Variants in PFKFB3 observed in about 807,000 individuals in gnomAD.
PFKFB3 encodes 6-phosphofructo-2-kinase/fructose-2,6-bisphosphatase 3.
A neutral mutation model predicts 68.0 loss-of-function variants in PFKFB3; 33 were observed. The observed-to-expected ratio is 0.49, with a 90% CI of 0.37 to 0.65. The LOEUF (loss-of-function observed/expected upper bound fraction) is 0.65, where lower values mean the gene tolerates loss of function less well. Among genes scored for constraint, PFKFB3 ranks in the 30% least tolerant of loss-of-function variants. The pLI, the probability that PFKFB3 is intolerant of heterozygous loss-of-function variation, is 0.00. For synonymous variants in PFKFB3, 315 were observed against 288.2 expected (o/e 1.09, Z -0.94); for missense variants, 586 against 712.2 (o/e 0.82, Z 2.02).
chr10:6,183,960 G>T (rs953460861), intron 1 of PFKFB3, among the ~76,000 whole-genome samples: 4 of 151,774 alleles, frequency 2.6e-5, no homozygotes, highest in Non-Finnish European at 4.4e-5. Flanking sequence ...AAAGTGCTGG[G>T]ATTACAGGTG....
rs1322620239 is a variant in PFKFB3 at position 6,216,048 on chromosome 10, GGC to G, written c.300-75_300-74del. The G allele has an allele frequency of 8.1e-6, 10 of 1,235,662 alleles. No individual in the cohort carries two copies. In the African/African-American group the frequency reaches 1.0e-4, roughly 13 times the overall value. 76.5% of individuals were successfully genotyped at this position (1,235,662 alleles called of 1,614,324 possible). A position where few individuals can be genotyped will look rare whatever the true frequency, so the allele number is the denominator to read the frequency against. On this transcript the variant is annotated intron_variant, in intron 3 of 14. Transcript: ENST00000379775. ...AACCACCAGTTACTCTGCTTGTCGG[GGC>G]GTGTCGGGAGTTGCTTGGGCTGCCC...
chr10:6,149,783 A>G (rs539397300), intron 1 of PFKFB3: 13 of 154,502 alleles, frequency 8.4e-5, no homozygotes, highest in African/African-American at 2.4e-4. Flanking sequence ...GACCATCCCC[A>G]ATAGAGGAGG....
At chr10:6,182,237 C>T (rs1411091447) in intron 1 of PFKFB3, among the ~76,000 whole-genome samples, 1 of 152,052 alleles carries the variant, frequency 6.6e-6, no homozygotes, top group Non-Finnish European at 1.5e-5. Context: ...CTTCTCACCA[C>T]CCCCTTCTCT....
At position 6,177,386 on chromosome 10, in the gene PFKFB3, T is replaced by TTCTTTCTTTCTTTCTTTCTTTCTTTC. The variant is rs1564599502; in HGVS notation, c.16+32397_16+32398insTCTCTTTCTTTCTTTCTTTCTTTCTT. 2.5e-4 allele frequency among the ~76,000 whole-genome samples: 28 copies of TTCTTTCTTTCTTTCTTTCTTTCTTTC among 113,302 alleles called. 1 individual carries two copies. The South Asian group carries it at 4.9e-3, about 20-fold the overall frequency. The allele number at this position is 113,302 out of a possible 152,430, so 74.3% of individuals were successfully genotyped here. A position where few individuals can be genotyped will look rare whatever the true frequency, so the allele number is the denominator to read the frequency against. On this transcript the variant is annotated intron_variant, in intron 1 of 14. Coordinates refer to the PFKFB3 transcript ENST00000379789. Reference sequence around the variant, plus strand: ...TTTCTTTCTTTCTTTCTTTCTTTCTTTCTTTCTTTCTTTCTTTCTTTCTTC... The same window carrying TTCTTTCTTTCTTTCTTTCTTTCTTTC: ...TTTCTTTCTTTCTTTCTTTCTTTCTTTCTTTCTTTCTTTCTTTCTTTCTTTCTCTTTCTTTCTTTCTTTCTTTCTTC...
At chr10:6,166,347 G>C (rs1441973051) in intron 1 of PFKFB3, among the ~76,000 whole-genome samples, 2 of 151,488 alleles carry the variant, frequency 1.3e-5, no homozygotes, top group Non-Finnish European at 2.9e-5. Context: ...CCCGCCTTAG[G>C]CTCCCAAAGT....
intron 1 of PFKFB3, among the ~76,000 whole-genome samples, chr10:6,184,859 C>T (rs1842828247): frequency 1.3e-5 from 2 of 150,544 alleles, no homozygotes; most frequent in South Asian, 2.1e-4. Flanking sequence ...CCTCCCATCT[C>T]GGCCTCCCAA....
Position 6,226,319 on chromosome 10 carries a change from T to TG in PFKFB3, c.1470dup (p.Pro491AlafsTer25). 1 of 1,614,022 alleles carries TG rather than the reference T, an allele frequency of 6.2e-7. No homozygotes were observed. The highest frequency in any genetic ancestry group is 8.5e-7 in the Non-Finnish European group (1 of 1,179,974). On this transcript the variant is annotated frameshift_variant, in exon 14 of 15. Transcript: ENST00000379775. LOFTEE classifies it high-confidence loss of function. ...CATGTGGCCTCCACCTCGGCCGCCC[T>TG]GCCCAGCTGCCTGCCCCCGGAGGTG...
chr10:6,161,625 C>T (rs997828415), intron 1 of PFKFB3, among the ~76,000 whole-genome samples: 44 of 82,248 alleles, frequency 5.3e-4, no homozygotes, highest in African/African-American at 1.2e-3. Flanking sequence ...CACACACACA[C>T]ATATATATAT....
rs1841719117 is a variant in PFKFB3 at position 6,154,921 on chromosome 10, A to G, written c.16+9908A>G. 6.6e-6 allele frequency among the ~76,000 whole-genome samples: 1 copy of G among 152,168 alleles called. No individual in the cohort carries two copies. The highest frequency in any genetic ancestry group is 2.1e-4 in the South Asian group (1 of 4,832). On this transcript the variant is annotated intron_variant, in intron 1 of 14. Coordinates refer to the PFKFB3 transcript ENST00000379789. The surrounding 1 kb of genome is among the most constrained non-coding windows in gnomAD (Gnocchi z 4.6). ...ACCTCCTCTAGGCCCTGTCCTTGGT[A>G]GAGGCTGTGAGTGGCCCGTAGGAGG...
chr10:6,233,741 C>T lies in PFKFB3; in HGVS notation c.*799C>T, dbSNP rs1164571682. The T allele has an allele frequency of 1.3e-5, 2 of 152,924 alleles. No individual in the cohort carries two copies. The highest frequency in any genetic ancestry group is 1.5e-5 in the Non-Finnish European group (1 of 68,112). 9.5% of individuals were successfully genotyped at this position (152,924 alleles called of 1,614,324 possible). A position where few individuals can be genotyped will look rare whatever the true frequency, so the allele number is the denominator to read the frequency against. On this transcript the variant is annotated 3_prime_UTR_variant, in exon 15 of 15. Coordinates refer to ENST00000379775, the MANE Select transcript of PFKFB3 (RefSeq NM_004566.4). The stretch of plus-strand genomic sequence containing the variant: ...ACTGAGAAACACTTTCCTGGAGCTG[C>T]TGGCTTTTGCACTTTTTTGATGGCA...
chr10:6,320,270 G>A, the PFKFB3 span, among the ~76,000 whole-genome samples: 1 of 152,064 alleles, frequency 6.6e-6, no homozygotes. Context: ...GGATAAATGA[G>A]GAATATGAAG....
chr10:6,316,477 T>C, the PFKFB3 span, among the ~76,000 whole-genome samples: 1 of 152,184 alleles, frequency 6.6e-6, no homozygotes, highest in Non-Finnish European at 1.5e-5. Context: ...AAGCTTTTTC[T>C]TTTCTTTCCT....
chr10:6,309,615 C>G, the PFKFB3 span, among the ~76,000 whole-genome samples: 16 of 152,140 alleles, frequency 1.1e-4, no homozygotes, highest in Non-Finnish European at 7.4e-5. Flanking sequence ...GAGCAAGACT[C>G]CATCCCCGCC....
intron 6 of PFKFB3, among the ~76,000 whole-genome samples, chr10:6,218,402 C>T (rs1844732370): frequency 7.5e-6 from 1 of 134,078 alleles, no homozygotes; most frequent in South Asian, 2.5e-4. Flanking sequence ...CCATCTTAAT[C>T]ATTTTTATTA....
chr10:6,224,608 G>A lies in PFKFB3; in HGVS notation c.1341+395G>A, dbSNP rs113691558. ...TGATCCTCCCGCCTCAGCCTCCCGC[G>A]TAGCTGAGACTACAGGTGCGCACCA... On this transcript the variant is annotated intron_variant, in intron 13 of 14. Coordinates refer to ENST00000379775, the MANE Select transcript of PFKFB3 (RefSeq NM_004566.4). 1.3e-4 allele frequency: 52 copies of A among 397,156 alleles called. 1 individual carries two copies. The East Asian group carries it at 2.3e-3, about 17-fold the overall frequency. The allele number at this position is 397,156 out of a possible 1,614,324, so 24.6% of individuals were successfully genotyped here. A position where few individuals can be genotyped will look rare whatever the true frequency, so the allele number is the denominator to read the frequency against.
intron 13 of PFKFB3, chr10:6,225,254 T>C (rs1845263735): frequency 2.2e-6 from 1 of 455,330 alleles, no homozygotes; most frequent in Non-Finnish European, 4.4e-6. Context: ...AACAGGTGAC[T>C]GTCTAGTCCC....
At chr10:6,308,459 T>G in the PFKFB3 span, among the ~76,000 whole-genome samples, 11 of 152,290 alleles carry the variant, frequency 7.2e-5, no homozygotes, top group East Asian at 1.3e-3. Flanking sequence ...GAGGTTGCAA[T>G]GAGCCAAGAT....
intron 1 of PFKFB3, among the ~76,000 whole-genome samples, chr10:6,179,828 C>A (rs1322626643): frequency 6.6e-6 from 1 of 152,142 alleles, no homozygotes; most frequent in African/African-American, 2.4e-5. Context: ...AGGCTGCTGG[C>A]TCCAAAGTGG....
the PFKFB3 span, among the ~76,000 whole-genome samples, chr10:6,266,303 T>G: frequency 6.6e-6 from 1 of 152,206 alleles, no homozygotes; most frequent in Non-Finnish European, 1.5e-5. Context: ...TGTCCCAGAT[T>G]TGGGTCATAG....
Sources: gnomAD v4.1 joint callset for allele counts (sites outside exome capture counted in the v4.1 genomes callset) on GRCh38, gnomAD v4.1.1 for gene constraint, Gnocchi (gnomAD v3.1) non-coding constraint, MANE v1.5 for transcripts, NCBI Gene and HGNC (gene_info 2026-07-23, HGNC 2026-07-21) for gene names.